Variants in IGF2BP2 observed in about 807,000 individuals in gnomAD.
IGF2BP2 encodes insulin-like growth factor 2 mRNA-binding protein 2.
In IGF2BP2, 17 loss-of-function variants were observed where a neutral mutation model predicts 75.8. The observed-to-expected ratio is 0.22, with a 90% confidence interval of 0.15 to 0.34. IGF2BP2 has a LOEUF of 0.34. IGF2BP2 is among the 10% of genes least tolerant of loss of function. The pLI, the probability that IGF2BP2 is intolerant of heterozygous loss-of-function variation, is 1.00. For missense variants in IGF2BP2, 516 were observed against 772.4 expected, an observed-to-expected ratio of 0.67 and a Z score of 3.93; for synonymous variants, 288 against 295.6, an observed-to-expected ratio of 0.97 and a Z score of 0.26.
intron 2 of IGF2BP2, among the ~76,000 whole-genome samples, chr3:185,817,046 A>G (rs1740707178): frequency 6.6e-6 from 1 of 152,232 alleles, no homozygotes; most frequent in African/African-American, 2.4e-5. Flanking sequence ...GATATGGGTA[A>G]ATAAGAGAAA....
At chr3:185,720,789 C>G (rs182067126) in intron 2 of IGF2BP2, among the ~76,000 whole-genome samples, 1 of 152,338 alleles carries the variant, frequency 6.6e-6, no homozygotes, top group East Asian at 1.9e-4. Flanking sequence ...AGGTCCAGAG[C>G]TGTTCTCCTT....
rs181735520 is a variant in IGF2BP2 at position 185,760,416 on chromosome 3, A to G, written c.240-62069T>C. Among the ~76,000 whole-genome samples, 390 of 152,246 alleles carry G rather than the reference A, an allele frequency of 2.6e-3. 1 individual carries two copies. Among genetic ancestry groups the G allele is most frequent in the African/African-American group, 9.0e-3 (372 of 41,532 alleles). On this transcript the variant is annotated intron_variant, in intron 2 of 15. Transcript: ENST00000382199. The stretch of plus-strand genomic sequence containing the variant: ...AGATGTAATTCACATCACAAAACTC[A>G]CCCATTTAAAGTGTACAGTTCAATG...
intron 2 of IGF2BP2, among the ~76,000 whole-genome samples, chr3:185,820,235 T>TACACACACACACACAC (rs202064714): frequency 2.7e-3 from 282 of 102,790 alleles, no homozygotes; most frequent in African/African-American, 9.4e-3. Flanking sequence ...TATATACACA[T>TACACACACACACACAC]ACACACACAC....
chr3:185,740,094 C>T (rs115864132), intron 2 of IGF2BP2, among the ~76,000 whole-genome samples: 3,584 of 152,086 alleles, frequency 0.024, 68 homozygotes, highest in Middle Eastern at 0.054. Context: ...GCAATCCACC[C>T]GCCTCAGCAT....
At chr3:185,801,789 T>C (rs1738317872) in intron 2 of IGF2BP2, among the ~76,000 whole-genome samples, 1 of 152,062 alleles carries the variant, frequency 6.6e-6, no homozygotes, top group African/African-American at 2.4e-5. Flanking sequence ...AATGATAGAC[T>C]GGATAAAGAA....
intron 2 of IGF2BP2, among the ~76,000 whole-genome samples, chr3:185,789,727 A>ATTTTTT (rs10602691): frequency 5.4e-5 from 6 of 111,592 alleles, no homozygotes; most frequent in Non-Finnish European, 8.8e-5. Context: ...ACAACCAGGA[A>ATTTTTT]TTTTTTTTTT....
At chr3:185,747,829 T>TTCTACTCTACTCTAC (rs71632078) in intron 2 of IGF2BP2, among the ~76,000 whole-genome samples, 4,224 of 150,618 alleles carry the variant, frequency 0.028, 106 homozygotes, top group African/African-American at 0.059. Context: ...TTTTATTTTA[T>TTCTACTCTACTCTAC]TCTACTCTAC....
intron 2 of IGF2BP2, among the ~76,000 whole-genome samples, chr3:185,719,644 G>A (rs1400526794): frequency 6.6e-6 from 1 of 152,166 alleles, no homozygotes; most frequent in Non-Finnish European, 1.5e-5. Context: ...GACCAGCCTG[G>A]CCAACGTGGC....
At chr3:185,799,575 C>T (rs548816219) in intron 2 of IGF2BP2, among the ~76,000 whole-genome samples, 289 of 152,122 alleles carry the variant, frequency 1.9e-3, no homozygotes, top group Admixed American at 4.6e-3. Context: ...GGTGAAACCC[C>T]GTCTCTACTA....
intron 2 of IGF2BP2, among the ~76,000 whole-genome samples, chr3:185,742,367 G>A (rs1295297638): frequency 6.6e-6 from 1 of 152,080 alleles, no homozygotes; most frequent in Non-Finnish European, 1.5e-5. Context: ...ATGGTGCCGG[G>A]TGCCCGTAAT....
At chr3:185,822,576 T>C (rs1363757930) in intron 2 of IGF2BP2, among the ~76,000 whole-genome samples, 2 of 152,152 alleles carry the variant, frequency 1.3e-5, no homozygotes, top group East Asian at 1.9e-4. Context: ...AACAACAAAA[T>C]GCTCAGAAGC....
At chr3:185,713,055 G>C (rs962346279) in intron 2 of IGF2BP2, among the ~76,000 whole-genome samples, 1 of 151,622 alleles carries the variant, frequency 6.6e-6, no homozygotes, top group Non-Finnish European at 1.5e-5. Context: ...GTGTTGCATA[G>C]CCTGCCCTAC....
At chr3:185,747,725 T>G (rs1373873569) in intron 2 of IGF2BP2, among the ~76,000 whole-genome samples, 2 of 152,044 alleles carry the variant, frequency 1.3e-5, no homozygotes, top group Admixed American at 1.3e-4. Context: ...TGTTCATATA[T>G]ATATGAACAA....
At chr3:185,756,070 G>A (rs1363827880) in intron 2 of IGF2BP2, among the ~76,000 whole-genome samples, 2 of 152,172 alleles carry the variant, frequency 1.3e-5, no homozygotes, top group African/African-American at 4.8e-5. Context: ...GAACCTGGTA[G>A]GAAGTACTAG....
Position 185,792,305 on chromosome 3 carries a change from C to A in IGF2BP2, c.239+30848G>T, listed in dbSNP as rs181852972. Among the ~76,000 whole-genome samples the A allele has an allele frequency of 1.2e-3, 179 of 151,892 alleles. 3 individuals carry two copies. The highest frequency in any genetic ancestry group is 0.012 in the Admixed American group (178 of 15,276). ...TGAGTATCTGCTTTTCTCCTCAACA[C>A]AAACAGTTTAAAAACAGGGCTGGGC... is the stretch of plus-strand genomic sequence containing the variant. On this transcript the variant is annotated intron_variant, in intron 2 of 15. Coordinates refer to ENST00000382199, the MANE Select transcript of IGF2BP2 (RefSeq NM_006548.6).
chr3:185,706,688 C>T (rs955869871), intron 2 of IGF2BP2, among the ~76,000 whole-genome samples: 3 of 151,960 alleles, frequency 2.0e-5, no homozygotes, highest in Non-Finnish European at 4.4e-5. Context: ...CAGATTGAAA[C>T]CATCACGCAC....
chr3:185,653,239 C>T (rs893438641), intron 12 of IGF2BP2, among the ~76,000 whole-genome samples: 18 of 152,046 alleles, frequency 1.2e-4, no homozygotes, highest in African/African-American at 3.9e-4. Flanking sequence ...TTTCTGCATG[C>T]CCTGCTTTAT....
intron 2 of IGF2BP2, among the ~76,000 whole-genome samples, chr3:185,785,289 A>G (rs2149822182): frequency 7.9e-6 from 1 of 125,852 alleles, no homozygotes; most frequent in Admixed American, 7.5e-5. Flanking sequence ...CAACAGAGTG[A>G]GACTCCTTCT....
chr3:185,660,661 G>C (rs984344984), intron 10 of IGF2BP2, among the ~76,000 whole-genome samples: 12 of 152,192 alleles, frequency 7.9e-5, no homozygotes, highest in Non-Finnish European at 7.3e-5. Flanking sequence ...AAGTTTTGCA[G>C]GAAGGTGGGT....
Sources: allele counts gnomAD v4.1 joint callset (sites outside exome capture counted in the v4.1 genomes callset), GRCh38; gene constraint gnomAD v4.1.1; transcripts MANE v1.5; gene names NCBI Gene and HGNC (gene_info 2026-07-23, HGNC 2026-07-21).